DPP10: variants seen among roughly 807,000 people sequenced by gnomAD.
DPP10 encodes dipeptidyl peptidase like 10.
A neutral mutation model predicts 120.9 loss-of-function variants in DPP10; 33 were observed. That is an observed-to-expected ratio of 0.27 (90% CI 0.21 to 0.37). The LOEUF (loss-of-function observed/expected upper bound fraction) is 0.37. Among genes scored for constraint, DPP10 ranks in the 10% least tolerant of loss-of-function variants. The pLI, the probability that DPP10 is intolerant of heterozygous loss-of-function variation, is 1.00. For synonymous variants in DPP10, 337 were observed against 326.1 expected, an observed-to-expected ratio of 1.03 and a Z score of -0.36; for missense variants, 816 against 942.8, an observed-to-expected ratio of 0.87 and a Z score of 1.76.
chr2:115,021,883 T>G (rs892434161), intron 1 of DPP10, among the ~76,000 whole-genome samples: 1 of 151,922 alleles, frequency 6.6e-6, no homozygotes, highest in Admixed American at 6.6e-5. Flanking sequence ...TGTGATACAC[T>G]ACATAAATAG....
chr2:115,543,730 C>T (rs904031677), intron 5 of DPP10, among the ~76,000 whole-genome samples: 3 of 151,786 alleles, frequency 2.0e-5, no homozygotes, highest in African/African-American at 7.3e-5. Context: ...CATCGAAAAA[C>T]ACAAGTCATT....
chr2:114,619,245 T>G (rs1414438135), intron 1 of DPP10, among the ~76,000 whole-genome samples: 2 of 152,066 alleles, frequency 1.3e-5, no homozygotes, highest in African/African-American at 2.4e-5. Context: ...AAAAAAGAAG[T>G]AAACTTTTCA....
chr2:115,508,314 C>T (rs763591701), intron 4 of DPP10, among the ~76,000 whole-genome samples: 4 of 151,964 alleles, frequency 2.6e-5, no homozygotes, highest in Non-Finnish European at 4.4e-5. Context: ...GTCCCAACTA[C>T]AACTACAGCT....
intron 1 of DPP10, among the ~76,000 whole-genome samples, chr2:115,180,954 C>T (rs2054034732): frequency 1.1e-5 from 1 of 91,716 alleles, no homozygotes; most frequent in Admixed American, 1.2e-4. Context: ...AAAAAAGCAA[C>T]AGGAAATAAA....
chr2:114,623,230 G>A (rs1483830055), intron 1 of DPP10, among the ~76,000 whole-genome samples: 1 of 152,016 alleles, frequency 6.6e-6, no homozygotes, highest in Non-Finnish European at 1.5e-5. Flanking sequence ...GAAATAATGT[G>A]CATCGTATGT....
At chr2:115,303,721 C>T (rs2061244402) in intron 1 of DPP10, among the ~76,000 whole-genome samples, 1 of 151,840 alleles carries the variant, frequency 6.6e-6, no homozygotes, top group Non-Finnish European at 1.5e-5. Context: ...TTTATGCTCA[C>T]TGGGAACAGG....
intron 1 of DPP10, among the ~76,000 whole-genome samples, chr2:114,671,194 G>A (rs1698315426): frequency 6.6e-6 from 1 of 152,136 alleles, no homozygotes; most frequent in African/African-American, 2.4e-5. Context: ...TAAAAGATGA[G>A]AAAGTTGAAA....
At chr2:115,372,707 G>T (rs530417278) in intron 3 of DPP10, among the ~76,000 whole-genome samples, 23 of 152,314 alleles carry the variant, frequency 1.5e-4, no homozygotes, top group Non-Finnish European at 3.1e-4. Context: ...AGCTCCTGGA[G>T]TTAATAATCC....
chr2:114,812,939 C>T (rs992140061), intron 1 of DPP10, among the ~76,000 whole-genome samples: 2 of 152,074 alleles, frequency 1.3e-5, no homozygotes, highest in African/African-American at 2.4e-5. Context: ...CCCATGATTC[C>T]GTATTTTTTA....
At chr2:114,445,645 C>T (rs1677900356) in intron 1 of DPP10, among the ~76,000 whole-genome samples, 1 of 150,338 alleles carries the variant, frequency 6.7e-6, no homozygotes, top group African/African-American at 2.4e-5. Flanking sequence ...GCAATTGTTG[C>T]CAGTGAAGGC....
intron 1 of DPP10, among the ~76,000 whole-genome samples, chr2:115,204,702 A>G (rs1422746453): frequency 6.6e-6 from 1 of 152,158 alleles, no homozygotes; most frequent in Non-Finnish European, 1.5e-5. Context: ...ACTCAGTTTC[A>G]TCTGTCTGCC....
intron 1 of DPP10, among the ~76,000 whole-genome samples, chr2:114,896,348 G>C (rs1558855508): frequency 1.3e-5 from 2 of 152,076 alleles, no homozygotes; most frequent in Non-Finnish European, 2.9e-5. Flanking sequence ...TCATGATATT[G>C]ATTCTTCTGA....
chr2:115,645,041 C>T (rs2087118313), intron 5 of DPP10, among the ~76,000 whole-genome samples: 1 of 152,078 alleles, frequency 6.6e-6, no homozygotes, highest in African/African-American at 2.4e-5. Flanking sequence ...GGAACTTGCC[C>T]TTTGGTCTTA....
At position 115,309,225 on chromosome 2, in the gene DPP10, T is replaced by G; in HGVS notation, c.61-14T>G. ...GCATGAATAATTACAAAACTTTTTT[T>G]TCTATCTCGGTAGGAACTGGGAAGT... On this transcript the variant is annotated splice_polypyrimidine_tract_variant and intron_variant, in intron 1 of 25. Coordinates refer to ENST00000410059, the MANE Select transcript of DPP10 (RefSeq NM_020868.6). 6.2e-7 allele frequency: 1 copy of G among 1,607,440 alleles called. No homozygotes were observed. The highest frequency in any genetic ancestry group is 8.5e-7 in the Non-Finnish European group (1 of 1,176,604).
chr2:115,177,883 C>G (rs1465875178), intron 1 of DPP10, among the ~76,000 whole-genome samples: 2 of 152,116 alleles, frequency 1.3e-5, no homozygotes, highest in Non-Finnish European at 2.9e-5. Flanking sequence ...CCTGCCTCAG[C>G]CTCCTGAGTA....
At chr2:115,253,811 G>A (rs1487541349) in intron 1 of DPP10, among the ~76,000 whole-genome samples, 4 of 152,318 alleles carry the variant, frequency 2.6e-5, no homozygotes, top group Admixed American at 2.0e-4. Context: ...ACTGCTGGTG[G>A]ATCTACCATT....
chr2:114,808,365 T>G (rs949715459), intron 1 of DPP10, among the ~76,000 whole-genome samples: 3 of 152,332 alleles, frequency 2.0e-5, no homozygotes, highest in East Asian at 3.9e-4. Flanking sequence ...TAGGTCAGCA[T>G]GCATTTCTGA....
At position 115,546,344 on chromosome 2, in the gene DPP10, T is replaced by C. The variant is rs2079499834; in HGVS notation, c.441+20372T>C. ...AAGTGTATATACATCTACATATATATGTACTTTTTCCTTATGCATATTCTG... is the reference window on the plus strand; with the variant it reads ...AAGTGTATATACATCTACATATATACGTACTTTTTCCTTATGCATATTCTG... On this transcript the variant is annotated intron_variant, in intron 5 of 25. Transcript: ENST00000410059. Among the ~76,000 whole-genome samples, 3 of 152,164 alleles carry C rather than the reference T, an allele frequency of 2.0e-5. No homozygotes were observed. The South Asian group carries it at 6.2e-4, about 31-fold the overall frequency.
intron 19 of DPP10, among the ~76,000 whole-genome samples, chr2:115,805,505 C>T (rs1685832480): frequency 6.6e-6 from 1 of 151,952 alleles, no homozygotes; most frequent in Non-Finnish European, 1.5e-5. Flanking sequence ...GCAGAAATCA[C>T]CCGTCTTCTG....
Sources: gnomAD v4.1 joint callset for allele counts (sites outside exome capture counted in the v4.1 genomes callset) on GRCh38, gnomAD v4.1.1 for gene constraint, MANE v1.5 for transcripts, NCBI Gene and HGNC (gene_info 2026-07-23, HGNC 2026-07-21) for gene names.